VAV1: variants seen among roughly 807,000 people sequenced by gnomAD.
The protein encoded by VAV1 is proto-oncogene vav.
VAV1 carries 33 observed loss-of-function variants against 128.1 expected under a neutral mutation model. The ratio of observed to expected loss-of-function variants is 0.26; its 90% CI spans 0.20 to 0.34. The LOEUF is 0.34. VAV1 is among the 10% of genes least tolerant of loss of function. VAV1 has a pLI of 1.00. For missense variants in VAV1, 715 were observed against 1,093.7 expected (o/e 0.65, Z 4.88); for synonymous variants, 394 against 409.8 (o/e 0.96, Z 0.47).
intron 1 of VAV1, among the ~76,000 whole-genome samples, chr19:6,802,943 T>TG: frequency 6.6e-6 from 1 of 152,158 alleles, no homozygotes; most frequent in African/African-American, 2.4e-5. Flanking sequence ...CCCAAAGGAG[T>TG]TGAACATTTA....
chr19:6,841,104 A>C (rs922735242), intron 21 of VAV1, among the ~76,000 whole-genome samples: 3 of 151,356 alleles, frequency 2.0e-5, no homozygotes, highest in African/African-American at 7.3e-5. Context: ...TTGTAGGGAC[A>C]GGGTTTCATC....
At chr19:6,840,673 T>C (rs1452775700) in intron 21 of VAV1, among the ~76,000 whole-genome samples, 1 of 151,032 alleles carries the variant, frequency 6.6e-6, no homozygotes, top group Non-Finnish European at 1.5e-5. Context: ...CGTGTAATTA[T>C]AACTCACTGC....
intron 9 of VAV1, among the ~76,000 whole-genome samples, chr19:6,827,846 C>T (rs963061329): frequency 2.6e-5 from 4 of 151,924 alleles, no homozygotes; most frequent in African/African-American, 4.8e-5. Context: ...GTGATCCTCC[C>T]GCCTCGGCCT....
chr19:6,848,515 G>A (rs1972582808), intron 23 of VAV1, among the ~76,000 whole-genome samples: 1 of 148,476 alleles, frequency 6.7e-6, no homozygotes, highest in South Asian at 2.2e-4. Context: ...CGATTCTCCT[G>A]CCTCAGACCC....
chr19:6,836,295 CCA>C, intron 19 of VAV1, 135 bp from the exon 20 acceptor site: 1 of 1,149,072 alleles, frequency 8.7e-7, no homozygotes. Flanking sequence ...AGTGAAAATT[CCA>C]GTTTCTCCAC....
intron 1 of VAV1, among the ~76,000 whole-genome samples, chr19:6,781,753 G>A (rs925851201): frequency 2.0e-5 from 3 of 151,940 alleles, no homozygotes; most frequent in Admixed American, 6.6e-5. Context: ...GATTACAGGT[G>A]TGCGCCAAGA....
At chr19:6,807,484 G>A (rs1029561727) in intron 1 of VAV1, among the ~76,000 whole-genome samples, 14 of 152,238 alleles carry the variant, frequency 9.2e-5, no homozygotes, top group Middle Eastern at 3.4e-3. Context: ...GCAATGGGGA[G>A]TGGTTGTAAA....
intron 1 of VAV1, among the ~76,000 whole-genome samples, chr19:6,783,635 A>G (rs1292117544): frequency 6.6e-6 from 1 of 152,068 alleles, no homozygotes; most frequent in Non-Finnish European, 1.5e-5. Context: ...GGCATGCACC[A>G]TCACACCTGG....
chr19:6,804,793 G>A (rs1299921362), intron 1 of VAV1, among the ~76,000 whole-genome samples: 2 of 144,548 alleles, frequency 1.4e-5, no homozygotes, highest in Non-Finnish European at 3.0e-5. Context: ...GCGCAATCTT[G>A]GCTCACTGCA....
chr19:6,773,735 G>A (rs1384871358), intron 1 of VAV1, among the ~76,000 whole-genome samples: 1 of 152,148 alleles, frequency 6.6e-6, no homozygotes, highest in African/African-American at 2.4e-5. Flanking sequence ...ATTTGACTGT[G>A]GCTGTATGAG....
intron 1 of VAV1, among the ~76,000 whole-genome samples, chr19:6,800,248 G>C (rs952525940): frequency 6.6e-6 from 1 of 151,962 alleles, no homozygotes; most frequent in Non-Finnish European, 1.5e-5. Flanking sequence ...TTCCAAAGTG[G>C]ATCTGCCATG....
chr19:6,825,530 C>G (rs1031919229), intron 8 of VAV1, 124 bp downstream of exon 8: 27 of 754,804 alleles, frequency 3.6e-5, no homozygotes, highest in Non-Finnish European at 5.8e-5. Flanking sequence ...TGTTCATGGG[C>G]GAGGGGCTGC....
At chr19:6,773,677 T>C (rs1970552235) in intron 1 of VAV1, among the ~76,000 whole-genome samples, 1 of 152,112 alleles carries the variant, frequency 6.6e-6, no homozygotes, top group Admixed American at 6.6e-5. Flanking sequence ...AGCTGCATTT[T>C]CTCGGCAGGG....
chr19:6,791,333 G>T (rs369516080), intron 1 of VAV1, among the ~76,000 whole-genome samples: 7 of 151,958 alleles, frequency 4.6e-5, no homozygotes, highest in African/African-American at 1.7e-4. Context: ...CTCATCTCGA[G>T]GTCCTTGAGA....
At chr19:6,799,959 G>A (rs1011270224) in intron 1 of VAV1, among the ~76,000 whole-genome samples, 13 of 151,656 alleles carry the variant, frequency 8.6e-5, no homozygotes, top group Non-Finnish European at 1.5e-4. Flanking sequence ...GTAAATGCCT[G>A]GTAATGGAAT....
intron 4 of VAV1, 37 bp downstream of exon 4, chr19:6,821,896 A>G (rs1971796954): frequency 6.2e-7 from 1 of 1,613,630 alleles, no homozygotes; most frequent in Non-Finnish European, 8.5e-7. Context: ...AGCTCACTGG[A>G]GCACCGTCCT....
At chr19:6,819,158 C>T (rs1051894136) in intron 1 of VAV1, among the ~76,000 whole-genome samples, 1 of 152,128 alleles carries the variant, frequency 6.6e-6, no homozygotes, top group African/African-American at 2.4e-5. Flanking sequence ...TCCATGAAAA[C>T]ACTTTGTGAT....
At chr19:6,789,286 T>C (rs1970962935) in intron 1 of VAV1, among the ~76,000 whole-genome samples, 1 of 151,782 alleles carries the variant, frequency 6.6e-6, no homozygotes, top group Non-Finnish European at 1.5e-5. Context: ...AGAGTCTCAC[T>C]CTGTCGCCCA....
Position 6,828,077 on chromosome 19 carries a change from A to T in VAV1, c.929A>T (p.Glu310Val). The change falls in exon 10 of 27, where the codon GAA becomes GTA. Residue 310 changes from glutamate to valine, a missense_variant and splice_region_variant. Around this residue, in one of 3 missense-constraint regions of VAV1, gnomAD observed 302 missense variants for 477.8 expected, o/e 0.63. Transcript: ENST00000602142. The surrounding 1 kb of genome is among the most constrained non-coding windows in gnomAD (Gnocchi z 4.5). Reference sequence around the variant, plus strand: ...CCCCATTGTTCTCTGATTCCCCAGGAATGTTCTCAGAGAGCCAACAACGGG... The same window carrying T: ...CCCCATTGTTCTCTGATTCCCCAGGTATGTTCTCAGAGAGCCAACAACGGG... Reference protein sequence around the residue: ...AREDVQMKLEECSQRANNGRF... With the variant: ...AREDVQMKLEVCSQRANNGRF... 3 of 1,613,988 alleles carry T rather than the reference A, an allele frequency of 1.9e-6. No homozygotes were observed. The highest frequency in any genetic ancestry group is 2.5e-6 in the Non-Finnish European group (3 of 1,179,938).
Sources: gnomAD v4.1 joint callset for allele counts (sites outside exome capture counted in the v4.1 genomes callset) on GRCh38, gnomAD v4.1.1 for gene constraint, gnomAD v4.1.1 regional missense constraint, Gnocchi (gnomAD v3.1) non-coding constraint, MANE v1.5 for transcripts, NCBI Gene and HGNC (gene_info 2026-07-23, HGNC 2026-07-21) for gene names.